TTBK1: variants seen among roughly 807,000 people sequenced by gnomAD.
TTBK1 encodes tau tubulin kinase 1.
Under a neutral mutation model 108.5 loss-of-function variants are expected in TTBK1, and 34 were observed. The ratio of observed to expected loss-of-function variants is 0.31; its 90% CI spans 0.24 to 0.42. The LOEUF (loss-of-function observed/expected upper bound fraction) is 0.42. TTBK1 is among the 10% of genes least tolerant of loss of function. The pLI, the probability that TTBK1 is intolerant of heterozygous loss-of-function variation, is 1.00. For missense variants in TTBK1, 1,539 were observed against 1,826.0 expected (o/e 0.84, Z 2.86); for synonymous variants, 809 against 795.1 (o/e 1.02, Z -0.29).
At chr6:43,271,740 C>G (rs1049081651) in intron 13 of TTBK1, 1 of 982,072 alleles carries the variant, frequency 1.0e-6, no homozygotes, top group African/African-American at 1.8e-5. Flanking sequence ...ACTCCTTTCC[C>G]CAAAATCTTT....
Position 43,285,691 on chromosome 6 carries a change from G to A in TTBK1, c.*315G>A. ...GTCTCTCCGCCCCGGGGAAGGCTCA[G>A]CCACTTTTCATCGAGGACTCCACTT... On this transcript the variant is annotated 3_prime_UTR_variant, in exon 15 of 15. Coordinates refer to ENST00000259750, the MANE Select transcript of TTBK1 (RefSeq NM_032538.3). The surrounding 1 kb of genome is among the most constrained non-coding windows in gnomAD (Gnocchi z 4.7). The A allele has an allele frequency of 4.4e-6, 1 of 228,506 alleles. No individual in the cohort carries two copies. Among genetic ancestry groups the A allele is most frequent in the Non-Finnish European group, 8.5e-6 (1 of 118,282 alleles). The allele number at this position is 228,506 out of a possible 1,614,324, so 14.2% of individuals were successfully genotyped here.
chr6:43,256,141 C>CTTT (rs35194954), intron 9 of TTBK1, among the ~76,000 whole-genome samples: 33,411 of 145,076 alleles, frequency 0.23, 3,903 homozygotes, highest in East Asian at 0.35. Context: ...TATTCCAGCT[C>CTTT]TTTTTTTTTT....
chr6:43,286,615 G>A lies in TTBK1; in HGVS notation c.*1239G>A, dbSNP rs1399407199. 4 of 152,430 alleles carry A rather than the reference G, an allele frequency of 2.6e-5. No homozygotes were observed. Among genetic ancestry groups the A allele is most frequent in the Non-Finnish European group, 5.9e-5 (4 of 68,182 alleles). 9.4% of individuals were successfully genotyped at this position (152,430 alleles called of 1,614,324 possible). A position where few individuals can be genotyped will look rare whatever the true frequency, so the allele number is the denominator to read the frequency against. On this transcript the variant is annotated 3_prime_UTR_variant, in exon 15 of 15. Transcript: ENST00000259750. This position sits in a 1 kb window ranked among gnomAD's most constrained non-coding sequence, Gnocchi z 4.6. Reference sequence around the variant, plus strand: ...CTTCCAGATTGTATGCTTGAGTGATGGGTCCCCAGCCCAAGCCCACTCTTC... The same window carrying A: ...CTTCCAGATTGTATGCTTGAGTGATAGGTCCCCAGCCCAAGCCCACTCTTC...
Position 43,255,078 on chromosome 6 carries a change from G to A in TTBK1, c.606G>A (p.Thr202=), listed in dbSNP as rs201422741. ...GGAATGTGGCCGGGTTTCGAGGAAC[G>A]GTTCGCTATGCCTCAGTCAATGCCC... ...PPRNVAGFRG[T]VRYASVNAHK... The change falls in exon 7 of 15, where the codon ACG becomes ACA. Residue 202 remains threonine (T), a synonymous_variant. Transcript: ENST00000259750. 11 of 1,613,726 alleles carry A rather than the reference G, an allele frequency of 6.8e-6. No homozygotes were observed. The highest frequency in any genetic ancestry group is 6.7e-5 in the East Asian group (3 of 44,854).
rs57826786 is a variant in TTBK1 at position 43,265,375 on chromosome 6, G to A, written c.1986+2025G>A. Among the ~76,000 whole-genome samples, 8,101 of 152,260 alleles carry A rather than the reference G, an allele frequency of 0.053. 730 individuals are homozygous for A. The highest frequency in any genetic ancestry group is 0.18 in the African/African-American group (7,633 of 41,498). On this transcript the variant is annotated intron_variant, in intron 13 of 14. Coordinates refer to ENST00000259750, the MANE Select transcript of TTBK1 (RefSeq NM_032538.3). The surrounding 1 kb of genome is among the most constrained non-coding windows in gnomAD (Gnocchi z 4.1). Reference sequence around the variant, plus strand: ...ATCTAGAGGTCCCTTCTAGAAGAGAGGACCTCTGAGCTGTGATCCTGGGGA... The same window carrying A: ...ATCTAGAGGTCCCTTCTAGAAGAGAAGACCTCTGAGCTGTGATCCTGGGGA...
chr6:43,254,953 G>T, intron 6 of TTBK1, 96 bp from the exon 7 acceptor site: 2 of 1,231,442 alleles, frequency 1.6e-6, no homozygotes, highest in Non-Finnish European at 2.4e-6. Flanking sequence ...GCCAGGGGAG[G>T]TGGTCAGGGT....
Position 43,286,002 on chromosome 6 carries a change from A to T in TTBK1, c.*626A>T. On this transcript the variant is annotated 3_prime_UTR_variant, in exon 15 of 15. Transcript: ENST00000259750. The surrounding 1 kb of genome is among the most constrained non-coding windows in gnomAD (Gnocchi z 4.6). ...GGGAACATCGGTCTACTCAGGTGTGAGGGGGCAGGTCTGACCTGCCCCAAA... is the reference window on the plus strand; with the variant it reads ...GGGAACATCGGTCTACTCAGGTGTGTGGGGGCAGGTCTGACCTGCCCCAAA... The T allele has an allele frequency of 6.5e-6, 1 of 152,748 alleles. No individual in the cohort carries two copies. The highest frequency in any genetic ancestry group is 1.5e-5 in the Non-Finnish European group (1 of 68,098). The allele number at this position is 152,748 out of a possible 1,614,324, so 9.5% of individuals were successfully genotyped here.
chr6:43,272,763 C>A, intron 13 of TTBK1: 1 of 749,250 alleles, frequency 1.3e-6, no homozygotes, highest in Non-Finnish European at 1.6e-6. Flanking sequence ...AGTTGCTGGT[C>A]TCCGGTTCCC....
intron 13 of TTBK1, chr6:43,270,253 G>C (rs899413689): frequency 1.4e-5 from 17 of 1,210,932 alleles, no homozygotes; most frequent in Non-Finnish European, 1.7e-5. Flanking sequence ...AGCCACTGAT[G>C]GGTCCAGAGT....
Position 43,286,135 on chromosome 6 carries a change from G to A in TTBK1, c.*759G>A, listed in dbSNP as rs1778376735. 1.3e-5 allele frequency: 2 copies of A among 152,628 alleles called. No individual in the cohort carries two copies. Among genetic ancestry groups the A allele is most frequent in the Admixed American group, 6.5e-5 (1 of 15,284 alleles). The allele number at this position is 152,628 out of a possible 1,614,324, so 9.5% of individuals were successfully genotyped here. On this transcript the variant is annotated 3_prime_UTR_variant, in exon 15 of 15. Coordinates refer to ENST00000259750, the MANE Select transcript of TTBK1 (RefSeq NM_032538.3). This position sits in a 1 kb window ranked among gnomAD's most constrained non-coding sequence, Gnocchi z 4.6. ...GGGATGTGCTCCCCTGCACCTCTGG[G>A]GTGCAGAAACCTCTTGCCTCCAGAT...
At chr6:43,277,177 A>G (rs989327046) in intron 13 of TTBK1, among the ~76,000 whole-genome samples, 5 of 152,120 alleles carry the variant, frequency 3.3e-5, no homozygotes, top group African/African-American at 1.2e-4. Context: ...TACGATGGGC[A>G]ATCTGAGAGA....
rs899141874 is a variant in TTBK1, at chr6:43,263,668, G to A, written c.1986+318G>A. 1.3e-5 allele frequency among the ~76,000 whole-genome samples: 2 copies of A among 152,190 alleles called. No individual in the cohort carries two copies. The highest frequency in any genetic ancestry group is 2.9e-5 in the Non-Finnish European group (2 of 68,030). The stretch of plus-strand genomic sequence containing the variant: ...CGGGAGGGGGCGATCTGAGAACACT[G>A]AGCTGATGGCACACTGCAGCAGACA... On this transcript the variant is annotated intron_variant, in intron 13 of 14. Transcript: ENST00000259750. The surrounding 1 kb of genome is among the most constrained non-coding windows in gnomAD (Gnocchi z 4.7).
rs1420517844 is a variant in TTBK1, at chr6:43,257,723, C to A, written c.862-89C>A. The A allele has an allele frequency of 2.8e-6, 4 of 1,417,634 alleles. No individual in the cohort carries two copies. The highest frequency in any genetic ancestry group is 2.4e-5 in the East Asian group (1 of 42,124). 87.8% of individuals were successfully genotyped at this position (1,417,634 alleles called of 1,614,324 possible). On this transcript the variant is annotated intron_variant, in intron 9 of 14. Transcript: ENST00000259750. The surrounding 1 kb of genome is among the most constrained non-coding windows in gnomAD (Gnocchi z 4.5). The stretch of plus-strand genomic sequence containing the variant: ...CATTCCTGTCCTGGAAAGTCCCTGT[C>A]TTCCTCCTATGATCCCAGCAACTGC...
chr6:43,269,849 C>G lies in TTBK1; in HGVS notation c.1986+6499C>G, dbSNP rs1396030284. 6.5e-7 allele frequency: 1 copy of G among 1,534,060 alleles called. No individual in the cohort carries two copies. The highest frequency in any genetic ancestry group is 2.0e-5 in the Admixed American group (1 of 50,768). On this transcript the variant is annotated intron_variant, in intron 13 of 14. Coordinates refer to ENST00000259750, the MANE Select transcript of TTBK1 (RefSeq NM_032538.3). This position sits in a 1 kb window ranked among gnomAD's most constrained non-coding sequence, Gnocchi z 4.8. Reference sequence around the variant, plus strand: ...CTGTGCGGGCGCCCCACCGGCGCCACGCGCCCCTCGCTGCTGGCAACCACA... The same window carrying G: ...CTGTGCGGGCGCCCCACCGGCGCCAGGCGCCCCTCGCTGCTGGCAACCACA...
intron 12 of TTBK1, among the ~76,000 whole-genome samples, chr6:43,261,338 G>C (rs1777535130): frequency 6.6e-6 from 1 of 152,130 alleles, no homozygotes; most frequent in Non-Finnish European, 1.5e-5. Flanking sequence ...ACAAACCCCA[G>C]ATAGGTTAGG....
rs1778267267 is a variant in TTBK1, at chr6:43,283,799, T to G, written c.3059T>G (p.Leu1020Arg). Residue 1020 changes from leucine to arginine, a missense_variant, in exon 14 of 15, where the codon CTT becomes CGT. Physicochemically the swap from Leu to Arg is moderately radical, Grantham distance 102. This residue lies in a region of TTBK1 where 1,055 missense variants were observed against 1,086.5 expected (regional missense o/e 0.97). Coordinates refer to ENST00000259750, the MANE Select transcript of TTBK1 (RefSeq NM_032538.3). The surrounding 1 kb of genome is among the most constrained non-coding windows in gnomAD (Gnocchi z 8.1). ...AACTCACTGCCCAATGGCCCGGCCC[T>G]TGCAGACGGGCCAGCCCCGGTGTCC... ...ATNSLPNGPA[L>R]ADGPAPVSPL... 6.2e-7 allele frequency: 1 copy of G among 1,613,324 alleles called. No individual in the cohort carries two copies. Among genetic ancestry groups the G allele is most frequent in the African/African-American group, 1.3e-5 (1 of 74,896 alleles).
At chr6:43,277,569 T>C (rs1305672692) in intron 13 of TTBK1, among the ~76,000 whole-genome samples, 1 of 152,214 alleles carries the variant, frequency 6.6e-6, no homozygotes, top group African/African-American at 2.4e-5. Flanking sequence ...GGGTGGGTTT[T>C]GGACACAGAG....
At chr6:43,270,124 C>T in intron 13 of TTBK1, 1 of 1,375,396 alleles carries the variant, frequency 7.3e-7, no homozygotes, top group Non-Finnish European at 9.3e-7. Flanking sequence ...ACTCCCACCC[C>T]AAGCAGAGTC....
rs1777880630 is a variant in TTBK1 at position 43,273,207 on chromosome 6, T to A, written c.1987-9520T>A. 6.6e-6 allele frequency among the ~76,000 whole-genome samples: 1 copy of A among 152,256 alleles called. No individual in the cohort carries two copies. Among genetic ancestry groups the A allele is most frequent in the Non-Finnish European group, 1.5e-5 (1 of 68,042 alleles). On this transcript the variant is annotated intron_variant, in intron 13 of 14. Coordinates refer to ENST00000259750, the MANE Select transcript of TTBK1 (RefSeq NM_032538.3). The surrounding 1 kb of genome is among the most constrained non-coding windows in gnomAD (Gnocchi z 4.2). ...CATGCCGAATAATCTGAGGTCTTGT[T>A]TGACAGAGTTTGTGAAACATCTTGG... is the stretch of plus-strand genomic sequence containing the variant.
Sources: gnomAD v4.1 joint callset for allele counts (sites outside exome capture counted in the v4.1 genomes callset) on GRCh38, gnomAD v4.1.1 for gene constraint, gnomAD v4.1.1 regional missense constraint, Gnocchi (gnomAD v3.1) non-coding constraint, MANE v1.5 for transcripts, NCBI Gene and HGNC (gene_info 2026-07-23, HGNC 2026-07-21) for gene names.